Variants in ZNF804B observed in about 807,000 individuals in gnomAD.
The protein encoded by ZNF804B is zinc finger 804B.
Under a neutral mutation model 101.4 loss-of-function variants are expected in ZNF804B, and 80 were observed. The observed-to-expected ratio is 0.79, with a 90% CI of 0.66 to 0.95. The LOEUF (loss-of-function observed/expected upper bound fraction) is 0.95, where lower values mean the gene tolerates loss of function less well. ZNF804B is among the 40% of genes least tolerant of loss of function. The probability of loss-of-function intolerance (pLI) is 0.00; values close to 1 mark genes in which losing one functional copy is unlikely to be tolerated. For synonymous variants in ZNF804B, 622 were observed against 558.8 expected (o/e 1.11, Z -1.59); for missense variants, 1,673 against 1,561.9 (o/e 1.07, Z -1.20).
chr7:88,997,644 C>T (rs2116165533), intron 1 of ZNF804B, among the ~76,000 whole-genome samples: 1 of 152,160 alleles, frequency 6.6e-6, no homozygotes, highest in African/African-American at 2.4e-5. Context: ...GGGCAGCCAC[C>T]TGGAAACCTG....
intron 1 of ZNF804B, among the ~76,000 whole-genome samples, chr7:88,911,363 C>T (rs1792548024): frequency 6.6e-6 from 1 of 150,832 alleles, no homozygotes; most frequent in African/African-American, 2.4e-5. Flanking sequence ...TACACTCTAC[C>T]ATTCAAATTC....
chr7:88,933,810 T>C (rs753068256), intron 1 of ZNF804B, among the ~76,000 whole-genome samples: 12 of 151,588 alleles, frequency 7.9e-5, no homozygotes, highest in Non-Finnish European at 1.5e-4. Context: ...ATGAGTAGAA[T>C]CAATATTGTG....
At chr7:89,328,362 C>G (rs1171739226) in intron 3 of ZNF804B, among the ~76,000 whole-genome samples, 2 of 151,676 alleles carry the variant, frequency 1.3e-5, no homozygotes, top group East Asian at 1.9e-4. Context: ...TTATTTATAA[C>G]TTTTAGAATA....
chr7:88,976,634 A>G (rs1365206634), intron 1 of ZNF804B, among the ~76,000 whole-genome samples: 2 of 151,444 alleles, frequency 1.3e-5, no homozygotes, highest in East Asian at 3.9e-4. Context: ...TTTTTGGTGA[A>G]CTCTTTCAGT....
intron 2 of ZNF804B, among the ~76,000 whole-genome samples, chr7:89,275,768 T>G (rs1485982100): frequency 1.3e-5 from 2 of 151,944 alleles, no homozygotes; most frequent in African/African-American, 4.9e-5. Flanking sequence ...ACTTTTTATT[T>G]TCTCCCTACA....
At chr7:89,291,581 G>A (rs1281075676) in intron 2 of ZNF804B, among the ~76,000 whole-genome samples, 1 of 151,556 alleles carries the variant, frequency 6.6e-6, no homozygotes, top group Non-Finnish European at 1.5e-5. Context: ...AATACACAGA[G>A]GACACAAAAG....
At chr7:89,229,137 C>G (rs7798428) in intron 2 of ZNF804B, among the ~76,000 whole-genome samples, 114,378 of 152,124 alleles carry the variant, frequency 0.75, 44,288 homozygotes, top group African/African-American at 0.91. Flanking sequence ...AGCTGAGGGA[C>G]CCAGCTCCGG....
At chr7:89,029,435 T>C (rs1768803374) in intron 1 of ZNF804B, among the ~76,000 whole-genome samples, 2 of 152,074 alleles carry the variant, frequency 1.3e-5, no homozygotes, top group Admixed American at 1.3e-4. Context: ...AAGAAGAATA[T>C]CCTGAGATGT....
chr7:89,077,345 G>T (rs1018401164), intron 1 of ZNF804B, among the ~76,000 whole-genome samples: 10 of 152,024 alleles, frequency 6.6e-5, no homozygotes, highest in African/African-American at 2.4e-4. Context: ...AAGAAAGAAG[G>T]TTGACATTTT....
intron 1 of ZNF804B, among the ~76,000 whole-genome samples, chr7:88,894,541 G>A (rs1792259211): frequency 6.6e-6 from 1 of 152,106 alleles, no homozygotes; most frequent in South Asian, 2.1e-4. Flanking sequence ...GCATATTTTA[G>A]ATTGAAAATC....
chr7:89,144,184 T>C (rs1310625900), intron 1 of ZNF804B, among the ~76,000 whole-genome samples: 2 of 152,066 alleles, frequency 1.3e-5, no homozygotes, highest in Non-Finnish European at 2.9e-5. Context: ...TTCAGATAGA[T>C]CACATAAACT....
chr7:89,304,480 A>G (rs1790530772), intron 2 of ZNF804B, among the ~76,000 whole-genome samples: 2 of 151,720 alleles, frequency 1.3e-5, no homozygotes, highest in South Asian at 2.1e-4. Context: ...TACAAGGATT[A>G]TATCTATGGT....
At chr7:89,211,710 T>G (rs1360208580) in intron 1 of ZNF804B, among the ~76,000 whole-genome samples, 1 of 152,136 alleles carries the variant, frequency 6.6e-6, no homozygotes, top group Non-Finnish European at 1.5e-5. Flanking sequence ...TATGTGCCTG[T>G]TTTTATACCA....
At chr7:89,049,383 T>A (rs1475599173) in intron 1 of ZNF804B, among the ~76,000 whole-genome samples, 1 of 152,194 alleles carries the variant, frequency 6.6e-6, no homozygotes, top group Non-Finnish European at 1.5e-5. Flanking sequence ...GGAGTTGGCC[T>A]GCATGGGTTT....
chr7:88,963,790 G>C (rs1793420888), intron 1 of ZNF804B, among the ~76,000 whole-genome samples: 1 of 151,152 alleles, frequency 6.6e-6, no homozygotes, highest in African/African-American at 2.4e-5. Context: ...TGACAAGAGA[G>C]TAACAATATA....
At chr7:88,834,628 T>G in intron 1 of ZNF804B, among the ~76,000 whole-genome samples, 1 of 150,442 alleles carries the variant, frequency 6.6e-6, no homozygotes, top group Non-Finnish European at 1.5e-5. Flanking sequence ...TTGTCAAAAT[T>G]TATTGAACTA....
At chr7:88,870,235 A>C (rs1460310684) in intron 1 of ZNF804B, among the ~76,000 whole-genome samples, 4 of 150,844 alleles carry the variant, frequency 2.7e-5, no homozygotes, top group African/African-American at 9.8e-5. Flanking sequence ...AAATACAAAA[A>C]TTAGCCGGGC....
chr7:89,172,877 C>T (rs186208734), intron 1 of ZNF804B, among the ~76,000 whole-genome samples: 19 of 152,172 alleles, frequency 1.2e-4, no homozygotes, highest in Non-Finnish European at 2.4e-4. Context: ...TCATTCTCAC[C>T]TCCCTCAAAA....
At chr7:88,876,633 G>A (rs1791943862) in intron 1 of ZNF804B, among the ~76,000 whole-genome samples, 1 of 151,938 alleles carries the variant, frequency 6.6e-6, no homozygotes, top group Admixed American at 6.6e-5. Flanking sequence ...GTTGCATTTA[G>A]AATAATTCTG....
Sources: gnomAD v4.1 joint callset for allele counts (sites outside exome capture counted in the v4.1 genomes callset) on GRCh38, gnomAD v4.1.1 for gene constraint, MANE v1.5 for transcripts, NCBI Gene and HGNC (gene_info 2026-07-23, HGNC 2026-07-21) for gene names.